SEPHS1: variants seen among roughly 807,000 people sequenced by gnomAD.
SEPHS1 encodes the protein zincore component SEPHS1.
A neutral mutation model predicts 39.2 loss-of-function variants in SEPHS1; 7 were observed. That is an observed-to-expected ratio of 0.18 (90% CI 0.10 to 0.34). SEPHS1 has a LOEUF of 0.34. SEPHS1 is among the 10% of genes least tolerant of loss of function. The pLI, the probability that SEPHS1 is intolerant of heterozygous loss-of-function variation, is 1.00. For missense variants in SEPHS1, 253 were observed against 514.5 expected, an observed-to-expected ratio of 0.49 and a Z score of 4.92; for synonymous variants, 190 against 195.5, an observed-to-expected ratio of 0.97 and a Z score of 0.23.
intron 5 of SEPHS1, among the ~76,000 whole-genome samples, chr10:13,333,052 T>C (rs1833517433): frequency 6.6e-6 from 1 of 152,092 alleles, no homozygotes; most frequent in Non-Finnish European, 1.5e-5. Context: ...CGGTAATGGC[T>C]GTACAACTCT....
Position 13,339,221 on chromosome 10 carries a change from C to T in SEPHS1, c.194-413G>A, listed in dbSNP as rs11258334. Among the ~76,000 whole-genome samples the T allele has an allele frequency of 2.1e-3, 319 of 152,170 alleles. 1 individual carries two copies. The highest frequency in any genetic ancestry group is 7.4e-3 in the African/African-American group (309 of 41,572). ...TATAGTTATTGTGCGTACATCTTTA[C>T]AGACATTATCGTATTGTCCCATCAG... On this transcript the variant is annotated intron_variant, in intron 2 of 8. Transcript: ENST00000327347.
In SEPHS1 at chr10:13,318,823, T is replaced by TAGC. The variant is rs1340714983; in HGVS notation, c.*318_*319insGCT. On this transcript the variant is annotated 3_prime_UTR_variant, in exon 9 of 9. Coordinates refer to ENST00000327347, the MANE Select transcript of SEPHS1 (RefSeq NM_012247.5). ...ATTTGACACGACTACGGGTAATGCC[T>TAGC]GTGCTATGTGAAAGCACCTTTAAAA... 4 of 311,502 alleles carry TAGC rather than the reference T, an allele frequency of 1.3e-5. No homozygotes were observed. Among genetic ancestry groups the TAGC allele is most frequent in the African/African-American group, 9.0e-5 (4 of 44,288 alleles). 19.3% of individuals were successfully genotyped at this position (311,502 alleles called of 1,614,324 possible).
At position 13,317,883 on chromosome 10, in the gene SEPHS1, C is replaced by T. The variant is rs1180484489; in HGVS notation, c.*1259G>A. 3 of 152,168 alleles carry T rather than the reference C, an allele frequency of 2.0e-5. No homozygotes were observed. Among genetic ancestry groups the T allele is most frequent in the African/African-American group, 7.2e-5 (3 of 41,434 alleles). The allele number at this position is 152,168 out of a possible 1,614,324, so 9.4% of individuals were successfully genotyped here. A position where few individuals can be genotyped will look rare whatever the true frequency, so the allele number is the denominator to read the frequency against. On this transcript the variant is annotated 3_prime_UTR_variant, in exon 9 of 9. Transcript: ENST00000327347. The stretch of plus-strand genomic sequence containing the variant: ...ATAAGGAAGCCTCCACTTTACATAA[C>T]ACAGAGAACACCTTTTTAGATTGCC...
rs1222340270 is a variant in SEPHS1, at chr10:13,325,953, A to ATAATAATAAT, written c.751+2397_751+2398insATTATTATTA. 1.9e-3 allele frequency among the ~76,000 whole-genome samples: 213 copies of ATAATAATAAT among 112,268 alleles called. 5 individuals are homozygous for ATAATAATAAT. Among genetic ancestry groups the ATAATAATAAT allele is most frequent in the African/African-American group, 7.4e-3 (194 of 26,046 alleles). The allele number at this position is 112,268 out of a possible 152,430, so 73.7% of individuals were successfully genotyped here. On this transcript the variant is annotated intron_variant, in intron 7 of 8. Coordinates refer to ENST00000327347, the MANE Select transcript of SEPHS1 (RefSeq NM_012247.5). ...AAAAAAGAGACTCAGTCTCAAAAAA[A>ATAATAATAAT]AAAAAAAAAAATAATAATAATAATA...
intron 4 of SEPHS1, 128 bp from the exon 5 acceptor site, chr10:13,334,099 C>G: frequency 1.2e-6 from 1 of 838,188 alleles, no homozygotes; most frequent in East Asian, 2.7e-5. Context: ...AGTTTACAGA[C>G]AGGGAAGGTT....
chr10:13,336,468 C>T (rs928882458), intron 3 of SEPHS1, 118 bp from the exon 4 acceptor site: 1 of 747,504 alleles, frequency 1.3e-6, no homozygotes, highest in South Asian at 1.5e-5. Context: ...GTAGCAGCTA[C>T]TAGGATGGGG....
intron 7 of SEPHS1, among the ~76,000 whole-genome samples, chr10:13,325,895 C>CAAAAAAAAAAAA (rs562038894): frequency 1.5e-4 from 4 of 26,450 alleles, no homozygotes; most frequent in Non-Finnish European, 2.3e-4. Flanking sequence ...GACTCCGTCT[C>CAAAAAAAAAAAA]AAAAAAAAAA....
In SEPHS1 at chr10:13,318,986, GATTTT is replaced by G. The variant is rs1053003281; in HGVS notation, c.*151_*155del. The G allele has an allele frequency of 8.8e-5, 60 of 681,416 alleles. No individual in the cohort carries two copies. Among genetic ancestry groups the G allele is most frequent in the Middle Eastern group, 4.0e-4 (1 of 2,474 alleles). 42.2% of individuals were successfully genotyped at this position (681,416 alleles called of 1,614,324 possible). ...AATGTAACAGGAAAAAAAGGCAATGGATTTTATTTTATTAATTGTATCCACTTACA... is the reference window on the plus strand; with the variant it reads ...AATGTAACAGGAAAAAAAGGCAATGGATTTTATTAATTGTATCCACTTACA... On this transcript the variant is annotated 3_prime_UTR_variant, in exon 9 of 9. Coordinates refer to ENST00000327347, the MANE Select transcript of SEPHS1 (RefSeq NM_012247.5).
intron 7 of SEPHS1, among the ~76,000 whole-genome samples, chr10:13,325,365 T>C (rs1564444121): frequency 6.6e-6 from 1 of 152,140 alleles, no homozygotes; most frequent in East Asian, 1.9e-4. Flanking sequence ...AATCCCCACA[T>C]GTCAAGAGAG....
intron 7 of SEPHS1, among the ~76,000 whole-genome samples, chr10:13,324,493 T>A (rs1833205934): frequency 6.6e-6 from 1 of 152,262 alleles, no homozygotes; most frequent in South Asian, 2.1e-4. Flanking sequence ...ATATTTAGTT[T>A]CATAAGAAAC....
At chr10:13,321,872 C>T (rs563092265) in intron 8 of SEPHS1, among the ~76,000 whole-genome samples, 29 of 152,166 alleles carry the variant, frequency 1.9e-4, no homozygotes, top group Non-Finnish European at 3.4e-4. Context: ...CAGATGTGGC[C>T]ACCAAATTAA....
rs542333249 is a variant in SEPHS1, at chr10:13,331,859, A to C, written c.560+1958T>G. ...CACAAAGACATTCCACTTCACACCC[A>C]GTAGGCTGGCTAGAATCCAAAAGAC... On this transcript the variant is annotated intron_variant, in intron 5 of 8. Coordinates refer to ENST00000327347, the MANE Select transcript of SEPHS1 (RefSeq NM_012247.5). Among the ~76,000 whole-genome samples, 5 of 152,372 alleles carry C rather than the reference A, an allele frequency of 3.3e-5. No individual in the cohort carries two copies. The South Asian group carries it at 8.3e-4, about 25-fold the overall frequency.
intron 7 of SEPHS1, among the ~76,000 whole-genome samples, chr10:13,325,820 C>T (rs1833249135): frequency 1.4e-5 from 2 of 139,522 alleles, no homozygotes; most frequent in South Asian, 2.4e-4. Flanking sequence ...ATCGCTTGAA[C>T]CTGAGAGGCA....
At chr10:13,323,646 C>T (rs1371548790) in intron 7 of SEPHS1, among the ~76,000 whole-genome samples, 1 of 152,024 alleles carries the variant, frequency 6.6e-6, no homozygotes, top group African/African-American at 2.4e-5. Context: ...AGCCACCACA[C>T]CCGGCCAAGA....
At chr10:13,326,833 A>G (rs939392252) in intron 7 of SEPHS1, among the ~76,000 whole-genome samples, 4 of 152,194 alleles carry the variant, frequency 2.6e-5, no homozygotes, top group Admixed American at 6.5e-5. Flanking sequence ...GTGCCTGGCT[A>G]TAACTTTCTT....
intron 7 of SEPHS1, among the ~76,000 whole-genome samples, chr10:13,323,975 G>A (rs1192784491): frequency 4.0e-5 from 6 of 151,570 alleles, no homozygotes; most frequent in Admixed American, 2.0e-4. Context: ...CCATTCACCC[G>A]ACCTATTATT....
intron 4 of SEPHS1, among the ~76,000 whole-genome samples, chr10:13,334,850 T>C (rs1833579919): frequency 6.6e-6 from 1 of 152,256 alleles, no homozygotes; most frequent in South Asian, 2.1e-4. Context: ...GGACCAGCCC[T>C]AGGTCTGATG....
rs979415403 is a variant in SEPHS1 at position 13,348,217 on chromosome 10, G to A, written c.-296C>T. The A allele has an allele frequency of 2.7e-5, 4 of 145,700 alleles. No individual in the cohort carries two copies. The highest frequency in any genetic ancestry group is 9.9e-5 in the African/African-American group (4 of 40,298). 9.0% of individuals were successfully genotyped at this position (145,700 alleles called of 1,614,324 possible). The stretch of plus-strand genomic sequence containing the variant: ...GGAGCCGGGCCGCCGCGCTCCCGCC[G>A]GCTGGGCGCGCGGGGGTCCTTTAAG... On this transcript the variant is annotated 5_prime_UTR_variant, in exon 1 of 9. Coordinates refer to ENST00000327347, the MANE Select transcript of SEPHS1 (RefSeq NM_012247.5).
At chr10:13,331,140 C>T (rs1833455010) in intron 5 of SEPHS1, among the ~76,000 whole-genome samples, 1 of 152,190 alleles carries the variant, frequency 6.6e-6, no homozygotes, top group African/African-American at 2.4e-5. Context: ...CAGCTTCATC[C>T]ATCTCCCTGC....
Sources: allele counts gnomAD v4.1 joint callset (sites outside exome capture counted in the v4.1 genomes callset), GRCh38; gene constraint gnomAD v4.1.1; transcripts MANE v1.5; gene names NCBI Gene and HGNC (gene_info 2026-07-23, HGNC 2026-07-21).